Variants in RABGAP1 observed in about 807,000 individuals in gnomAD.
RABGAP1 encodes RAB GTPase activating protein 1, also known as rab GTPase-activating protein 1.
Under a neutral mutation model 137.6 loss-of-function variants are expected in RABGAP1, and 23 were observed. That is an observed-to-expected ratio of 0.17 (90% CI 0.12 to 0.24). The LOEUF (loss-of-function observed/expected upper bound fraction) is 0.24. Among genes scored for constraint, RABGAP1 ranks in the 10% least tolerant of loss-of-function variants. The pLI is 1.00. For missense variants in RABGAP1, 906 were observed against 1,275.8 expected (o/e 0.71, Z 4.42); for synonymous variants, 451 against 450.7 (o/e 1.00, Z -0.01).
intron 22 of RABGAP1, 140 bp from the exon 23 acceptor site, chr9:123,098,575 G>A: frequency 1.6e-6 from 1 of 631,580 alleles, no homozygotes; most frequent in Non-Finnish European, 2.8e-6. Context: ...TGCCAAGATT[G>A]AAGGAAGAAA....
At chr9:123,018,107 G>A (rs894796570) in intron 12 of RABGAP1, among the ~76,000 whole-genome samples, 3 of 152,108 alleles carry the variant, frequency 2.0e-5, no homozygotes, top group African/African-American at 7.2e-5. Context: ...CCATTCTCCT[G>A]CCTCAGCCTC....
At chr9:123,093,964 T>A (rs981969263) in intron 21 of RABGAP1, among the ~76,000 whole-genome samples, 1 of 152,192 alleles carries the variant, frequency 6.6e-6, no homozygotes, top group African/African-American at 2.4e-5. Flanking sequence ...AGTAGCAATG[T>A]TTTTTAGTGT....
At chr9:122,937,448 T>C (rs961668680), upstream of RABGAP1, among the ~76,000 whole-genome samples, 2 of 150,172 alleles carry the variant, frequency 1.3e-5, no homozygotes, top group African/African-American at 4.9e-5. Flanking sequence ...AATACAAAAA[T>C]TAGCTGGGCA....
chr9:123,093,013 T>C, intron 21 of RABGAP1, among the ~76,000 whole-genome samples: 1 of 152,260 alleles, frequency 6.6e-6, no homozygotes, highest in African/African-American at 2.4e-5. Flanking sequence ...CTCTCTGTAG[T>C]TTCTTCTGAA....
At chr9:123,007,753 A>G (rs1588260030) in intron 10 of RABGAP1, among the ~76,000 whole-genome samples, 1 of 150,796 alleles carries the variant, frequency 6.6e-6, no homozygotes. Context: ...TGACATCTTT[A>G]TGATGTTGAG....
chr9:123,038,948 T>C (rs2032812738), intron 13 of RABGAP1, among the ~76,000 whole-genome samples: 1 of 152,148 alleles, frequency 6.6e-6, no homozygotes, highest in Non-Finnish European at 1.5e-5. Context: ...TGAGGGCAAG[T>C]CACTTCTCTA....
At chr9:123,035,509 C>G in intron 13 of RABGAP1, 2 of 1,613,620 alleles carry the variant, frequency 1.2e-6, no homozygotes, top group Non-Finnish European at 1.7e-6. Flanking sequence ...CCAAAGAGGA[C>G]TAAAGCGCCT....
chr9:122,970,483 A>G (rs1435400625), intron 2 of RABGAP1, among the ~76,000 whole-genome samples: 1 of 152,146 alleles, frequency 6.6e-6, no homozygotes, highest in Non-Finnish European at 1.5e-5. Flanking sequence ...TTTTAGATTC[A>G]GGGGGTACAT....
At position 122,973,284 on chromosome 9, in the gene RABGAP1, C is replaced by T. The variant is rs566395456; in HGVS notation, c.151-11201C>T. Among the ~76,000 whole-genome samples the T allele has an allele frequency of 2.2e-3, 342 of 152,230 alleles. 1 individual carries two copies. Among genetic ancestry groups the T allele is most frequent in the Non-Finnish European group, 3.8e-3 (258 of 68,000 alleles). ...ACGGAGTCTCGCTCTGCTGCCCAGG[C>T]TGGAGTGCAGTGGCATGATCCCTGC... On this transcript the variant is annotated intron_variant, in intron 2 of 25. Transcript: ENST00000373647.
At chr9:123,050,758 T>C (rs2033418588) in intron 13 of RABGAP1, among the ~76,000 whole-genome samples, 1 of 152,220 alleles carries the variant, frequency 6.6e-6, no homozygotes, top group African/African-American at 2.4e-5. Context: ...CTGTATTATG[T>C]AAGATTGAGC....
At chr9:122,932,707 A>G in the RABGAP1 span, among the ~76,000 whole-genome samples, 2 of 151,692 alleles carry the variant, frequency 1.3e-5, no homozygotes, top group African/African-American at 4.8e-5. Flanking sequence ...TTTGATATTT[A>G]GAGATATGGA....
At chr9:122,945,146 G>GTTTTTTTTTTTTTTTTTTT (rs1564348056) in intron 1 of RABGAP1, among the ~76,000 whole-genome samples, 27 of 9,162 alleles carry the variant, frequency 2.9e-3, no homozygotes, top group South Asian at 0.015. Flanking sequence ...CATAGCTGTT[G>GTTTTTTTTTTTTTTTTTTT]CTTTTTTTTT....
chr9:122,966,448 G>A (rs756245930), intron 2 of RABGAP1, among the ~76,000 whole-genome samples: 2 of 151,992 alleles, frequency 1.3e-5, no homozygotes, highest in African/African-American at 2.4e-5. Context: ...GCTTGAACCC[G>A]GGAGGCGGAG....
In RABGAP1 at chr9:123,057,702, A is replaced by G. The variant is rs1267850479; in HGVS notation, c.1795-7646A>G. Among the ~76,000 whole-genome samples, 45 of 152,306 alleles carry G rather than the reference A, an allele frequency of 3.0e-4. 1 individual carries two copies. Among genetic ancestry groups the G allele is most frequent in the Non-Finnish European group, 4.4e-5 (3 of 68,012 alleles). On this transcript the variant is annotated intron_variant, in intron 13 of 25. Coordinates refer to ENST00000373647, the MANE Select transcript of RABGAP1 (RefSeq NM_012197.4). Reference sequence around the variant, plus strand: ...GGCACTTTGGGGGGCCAAGGCAGGCAGCTGGTAGGTGGAGGTTGTAGCGAG... The same window carrying G: ...GGCACTTTGGGGGGCCAAGGCAGGCGGCTGGTAGGTGGAGGTTGTAGCGAG...
chr9:123,043,672 A>T (rs1287221991), intron 13 of RABGAP1, among the ~76,000 whole-genome samples: 1 of 152,066 alleles, frequency 6.6e-6, no homozygotes, highest in Non-Finnish European at 1.5e-5. Flanking sequence ...ACAGAGCTAC[A>T]GTAGCATCTT....
the RABGAP1 span, among the ~76,000 whole-genome samples, chr9:122,933,500 C>T: frequency 6.6e-6 from 1 of 151,048 alleles, no homozygotes; most frequent in African/African-American, 2.4e-5. Flanking sequence ...GTCACCCAGG[C>T]TGGAGTGCAG....
intron 12 of RABGAP1, 33 bp downstream of exon 12, chr9:123,015,669 C>A: frequency 6.9e-7 from 1 of 1,459,780 alleles, no homozygotes; most frequent in Non-Finnish European, 9.5e-7. Context: ...TTTTTATCTG[C>A]AATTTTCATT....
chr9:123,081,017 C>T (rs949974633), intron 19 of RABGAP1, among the ~76,000 whole-genome samples: 4 of 152,152 alleles, frequency 2.6e-5, no homozygotes, highest in African/African-American at 9.7e-5. Flanking sequence ...GAAAGACCAA[C>T]CCCTCTTCCT....
chr9:123,095,930 G>A (rs908256232), intron 21 of RABGAP1, among the ~76,000 whole-genome samples: 37 of 152,212 alleles, frequency 2.4e-4, no homozygotes, highest in South Asian at 2.1e-4. Context: ...ATTATATCCT[G>A]CCTGATTTTA....
Sources: allele counts gnomAD v4.1 joint callset (sites outside exome capture counted in the v4.1 genomes callset), GRCh38; gene constraint gnomAD v4.1.1; transcripts MANE v1.5; gene names NCBI Gene and HGNC (gene_info 2026-07-23, HGNC 2026-07-21).